The following NLGN1 variants were observed in gnomAD, a reference collection of about 807,000 sequenced individuals.
The protein encoded by NLGN1 is neuroligin 1.
A neutral mutation model predicts 65.5 loss-of-function variants in NLGN1; 12 were observed. The ratio of observed to expected loss-of-function variants is 0.18; its 90% CI spans 0.12 to 0.30. The LOEUF (loss-of-function observed/expected upper bound fraction) is 0.30. Among genes scored for constraint, NLGN1 ranks in the 10% least tolerant of loss-of-function variants. The pLI, the probability that NLGN1 is intolerant of heterozygous loss-of-function variation, is 1.00. For missense variants in NLGN1, 750 were observed against 1,007.1 expected, an observed-to-expected ratio of 0.74 and a Z score of 3.46; for synonymous variants, 350 against 359.5, an observed-to-expected ratio of 0.97 and a Z score of 0.30.
chr3:173,891,175 C>A (rs1450963757), intron 4 of NLGN1, among the ~76,000 whole-genome samples: 1 of 152,140 alleles, frequency 6.6e-6, no homozygotes, highest in African/African-American at 2.4e-5. Flanking sequence ...CAGGTAATGA[C>A]AGCAAAGCAC....
At chr3:173,918,630 CAAA>C (rs558281371) in intron 4 of NLGN1, among the ~76,000 whole-genome samples, 23,459 of 60,570 alleles carry the variant, frequency 0.39, 2,434 homozygotes, top group East Asian at 0.46. Context: ...GACTCCATCT[CAAA>C]AAAAAAAAAA....
intron 4 of NLGN1, among the ~76,000 whole-genome samples, chr3:174,252,407 ATTG>A (rs768903759): frequency 4.4e-4 from 67 of 152,208 alleles, no homozygotes; most frequent in Non-Finnish European, 8.1e-4. Context: ...ATAACAAAAT[ATTG>A]TTATCTAGAA....
intron 4 of NLGN1, among the ~76,000 whole-genome samples, chr3:174,173,140 A>G (rs1728852595): frequency 1.3e-5 from 2 of 151,998 alleles, no homozygotes; most frequent in South Asian, 4.1e-4. Context: ...TAGAAATGCC[A>G]CTGAATTTTG....
At chr3:174,013,565 T>A (rs1725962978) in intron 4 of NLGN1, among the ~76,000 whole-genome samples, 1 of 152,244 alleles carries the variant, frequency 6.6e-6, no homozygotes, top group African/African-American at 2.4e-5. Context: ...TTATTGGTGA[T>A]TGAATAGAAC....
At chr3:173,943,837 C>T (rs916394169) in intron 4 of NLGN1, among the ~76,000 whole-genome samples, 8 of 152,118 alleles carry the variant, frequency 5.3e-5, no homozygotes, top group East Asian at 1.9e-4. Context: ...CAGAAAGCAA[C>T]GTTGTATTTC....
intron 4 of NLGN1, among the ~76,000 whole-genome samples, chr3:173,982,023 C>G (rs1718891810): frequency 6.6e-6 from 1 of 151,992 alleles, no homozygotes; most frequent in South Asian, 2.1e-4. Context: ...TGATATTAAA[C>G]TCAAACATTT....
At chr3:174,261,841 A>G (rs1746985813) in intron 4 of NLGN1, among the ~76,000 whole-genome samples, 1 of 149,088 alleles carries the variant, frequency 6.7e-6, no homozygotes, top group Non-Finnish European at 1.5e-5. Flanking sequence ...AGCTCTTATT[A>G]TTTTGAAATA....
At chr3:173,643,513 G>A (rs1320837288) in intron 3 of NLGN1, among the ~76,000 whole-genome samples, 1 of 152,100 alleles carries the variant, frequency 6.6e-6, no homozygotes, top group Admixed American at 6.5e-5. Flanking sequence ...ATAAGGGTGA[G>A]CAAAGTACTT....
intron 4 of NLGN1, among the ~76,000 whole-genome samples, chr3:173,942,633 C>A (rs997608888): frequency 6.6e-6 from 1 of 151,886 alleles, no homozygotes; most frequent in Non-Finnish European, 1.5e-5. Flanking sequence ...CAAAATGCAA[C>A]CAAAAAAGAA....
intron 4 of NLGN1, among the ~76,000 whole-genome samples, chr3:174,094,085 G>C (rs190921713): frequency 6.6e-6 from 1 of 152,116 alleles, no homozygotes; most frequent in South Asian, 2.1e-4. Flanking sequence ...GTGCTGTATA[G>C]TATAGACTAG....
At chr3:174,104,702 T>C (rs1413154487) in intron 4 of NLGN1, among the ~76,000 whole-genome samples, 1 of 152,146 alleles carries the variant, frequency 6.6e-6, no homozygotes, top group Non-Finnish European at 1.5e-5. Flanking sequence ...AAAGATAGGA[T>C]TTGAGTTCAA....
At chr3:174,010,131 A>G (rs1386137880) in intron 4 of NLGN1, among the ~76,000 whole-genome samples, 1 of 152,208 alleles carries the variant, frequency 6.6e-6, no homozygotes, top group Non-Finnish European at 1.5e-5. Flanking sequence ...AGCTTTAAAG[A>G]TGGCTTTAAA....
intron 4 of NLGN1, among the ~76,000 whole-genome samples, chr3:174,015,053 T>G (rs1726275374): frequency 6.6e-6 from 1 of 152,154 alleles, no homozygotes; most frequent in Admixed American, 6.6e-5. Flanking sequence ...GAGAAAAGCA[T>G]AGTCTTATTT....
At chr3:173,499,460 T>G (rs1730627515) in intron 2 of NLGN1, among the ~76,000 whole-genome samples, 1 of 151,908 alleles carries the variant, frequency 6.6e-6, no homozygotes, top group Admixed American at 6.6e-5. Flanking sequence ...TACTGTAGCC[T>G]TGTAGTATAG....
chr3:173,475,878 G>T (rs1040555820), intron 2 of NLGN1, among the ~76,000 whole-genome samples: 1 of 152,134 alleles, frequency 6.6e-6, no homozygotes, highest in Non-Finnish European at 1.5e-5. Context: ...AGTTAATTGG[G>T]TCTATTAATT....
chr3:174,056,275 G>T (rs955696793), intron 4 of NLGN1, among the ~76,000 whole-genome samples: 5 of 151,854 alleles, frequency 3.3e-5, no homozygotes, highest in Non-Finnish European at 7.4e-5. Flanking sequence ...CCTCGTGTCT[G>T]CATTTGTTTC....
intron 4 of NLGN1, among the ~76,000 whole-genome samples, chr3:173,884,084 A>G (rs1026603539): frequency 1.3e-5 from 2 of 151,910 alleles, no homozygotes; most frequent in African/African-American, 4.8e-5. Context: ...ATCATTAGCA[A>G]CTAAATCATC....
Position 173,839,422 on chromosome 3 carries a change from GT to G in NLGN1, c.646+31597del, listed in dbSNP as rs948411177. ...TTTTGTTTGTTTTTTTGTTTGTTTT[GT>G]TTTTTTGTTTTTTTTTTTGAGACGA... On this transcript the variant is annotated intron_variant, in intron 4 of 6. Coordinates refer to ENST00000457714, the Ensembl canonical transcript of NLGN1. Among the ~76,000 whole-genome samples the G allele has an allele frequency of 6.0e-4, 89 of 148,428 alleles. 1 individual carries two copies. Among genetic ancestry groups the G allele is most frequent in the African/African-American group, 2.1e-3 (84 of 39,794 alleles).
chr3:174,261,675 A>G (rs1746941190), intron 4 of NLGN1, among the ~76,000 whole-genome samples: 1 of 136,582 alleles, frequency 7.3e-6, no homozygotes, highest in South Asian at 2.4e-4. Flanking sequence ...AATACCCTTT[A>G]TTTCCTTCTC....
Sources: gnomAD v4.1 joint callset for allele counts (sites outside exome capture counted in the v4.1 genomes callset) on GRCh38, gnomAD v4.1.1 for gene constraint, MANE v1.5 for transcripts, NCBI Gene and HGNC (gene_info 2026-07-23, HGNC 2026-07-21) for gene names.